Variants in COBL observed in about 807,000 individuals in gnomAD.
COBL encodes the protein protein cordon-bleu.
In COBL, 51 loss-of-function variants were observed where a neutral mutation model predicts 98.8. That is an observed-to-expected ratio of 0.52 (90% CI 0.41 to 0.65). The LOEUF is 0.65. Among genes scored for constraint, COBL ranks in the 30% least tolerant of loss-of-function variants. COBL has a pLI of 0.00. For synonymous variants in COBL, 634 were observed against 651.7 expected (o/e 0.97, Z 0.41); for missense variants, 1,617 against 1,617.5 (o/e 1.00, Z 0.01).
chr7:51,261,737 T>G (rs1431839709), intron 1 of COBL, among the ~76,000 whole-genome samples: 1 of 152,030 alleles, frequency 6.6e-6, no homozygotes, highest in African/African-American at 2.4e-5. Flanking sequence ...GAGGCCGAAG[T>G]AGGCGGATCA....
chr7:51,068,695 C>A (rs928267752), intron 7 of COBL, among the ~76,000 whole-genome samples: 1 of 152,134 alleles, frequency 6.6e-6, no homozygotes, highest in African/African-American at 2.4e-5. Context: ...ATATTATATA[C>A]TTTCTTTGTA....
chr7:51,054,366 C>T (rs1790521213), intron 7 of COBL, among the ~76,000 whole-genome samples: 1 of 152,098 alleles, frequency 6.6e-6, no homozygotes, highest in African/African-American at 2.4e-5. Flanking sequence ...TGGGTTGGCC[C>T]CACAGTTCCC....
chr7:51,197,834 C>T (rs554019669), intron 2 of COBL, among the ~76,000 whole-genome samples: 2 of 152,088 alleles, frequency 1.3e-5, no homozygotes, highest in South Asian at 2.1e-4. Flanking sequence ...AGTATTGCAC[C>T]TCCTGCTTTC....
intron 2 of COBL, among the ~76,000 whole-genome samples, chr7:51,196,542 CTTTATTTA>C (rs565080405): frequency 2.6e-5 from 4 of 151,822 alleles, no homozygotes; most frequent in Admixed American, 6.6e-5. Flanking sequence ...AGTCCTTCCT[CTTTATTTA>C]TTTATTTATT....
intron 5 of COBL, among the ~76,000 whole-genome samples, chr7:51,142,281 T>TC (rs1799833146): frequency 6.6e-6 from 1 of 152,054 alleles, no homozygotes; most frequent in Admixed American, 6.6e-5. Flanking sequence ...GATGCATACT[T>TC]CAGCCAACAA....
At chr7:51,195,479 AT>A (rs1790508335) in intron 2 of COBL, among the ~76,000 whole-genome samples, 1 of 152,100 alleles carries the variant, frequency 6.6e-6, no homozygotes, top group African/African-American at 2.4e-5. Context: ...TTTGCTTAGG[AT>A]GGCCTTGGCT....
intron 1 of COBL, among the ~76,000 whole-genome samples, chr7:51,277,632 C>T (rs1446367299): frequency 1.3e-5 from 2 of 151,966 alleles, no homozygotes; most frequent in African/African-American, 2.4e-5. Context: ...AGTTGGACAG[C>T]GGGCTAGAGG....
At position 51,316,640 on chromosome 7, in the gene COBL, G is replaced by T; in HGVS notation, c.-7C>A. ...AGGCGCGCGGCGCGTCCATGGTGCCGGGGGCCGGGACGCGGGCGGTGCTCC... is the reference window on the plus strand; with the variant it reads ...AGGCGCGCGGCGCGTCCATGGTGCCTGGGGCCGGGACGCGGGCGGTGCTCC... On this transcript the variant is annotated 5_prime_UTR_variant, in exon 1 of 13. Coordinates refer to ENST00000265136, the MANE Select transcript of COBL (RefSeq NM_015198.5). 8.4e-7 allele frequency: 1 copy of T among 1,196,232 alleles called. No homozygotes were observed. Among genetic ancestry groups the T allele is most frequent in the Non-Finnish European group, 1.0e-6 (1 of 964,886 alleles). 74.1% of individuals were successfully genotyped at this position (1,196,232 alleles called of 1,614,324 possible). A position where few individuals can be genotyped will look rare whatever the true frequency, so the allele number is the denominator to read the frequency against.
intron 7 of COBL, among the ~76,000 whole-genome samples, chr7:51,063,689 C>A (rs1396075416): frequency 6.6e-6 from 1 of 152,138 alleles, no homozygotes; most frequent in Non-Finnish European, 1.5e-5. Flanking sequence ...CCCACACTTC[C>A]TTTCATGCAG....
chr7:51,110,482 T>C (rs1055235320), intron 6 of COBL, among the ~76,000 whole-genome samples: 8 of 152,374 alleles, frequency 5.3e-5, no homozygotes, highest in East Asian at 1.9e-4. Flanking sequence ...ATTGTGTATA[T>C]ATACCACATC....
chr7:51,176,196 T>C (rs868817266), intron 5 of COBL, among the ~76,000 whole-genome samples: 2 of 152,204 alleles, frequency 1.3e-5, no homozygotes, highest in Admixed American at 1.3e-4. Flanking sequence ...GGTTAAATCA[T>C]AACCTTGGTT....
intron 5 of COBL, among the ~76,000 whole-genome samples, chr7:51,168,093 G>A (rs977304507): frequency 9.9e-5 from 15 of 151,328 alleles, no homozygotes; most frequent in Admixed American, 9.2e-4. Flanking sequence ...GCTTCTACAC[G>A]GCAAAGGAAA....
chr7:51,314,413 A>G (rs1315296371), intron 1 of COBL, among the ~76,000 whole-genome samples: 2 of 152,256 alleles, frequency 1.3e-5, no homozygotes. Flanking sequence ...CAGGGAACAG[A>G]GGAGTAATCT....
chr7:51,223,147 C>T (rs2129092865), intron 1 of COBL, among the ~76,000 whole-genome samples: 1 of 152,372 alleles, frequency 6.6e-6, no homozygotes, highest in Middle Eastern at 3.4e-3. Context: ...GCACTGCTTA[C>T]ACGCCTGGCA....
intron 5 of COBL, among the ~76,000 whole-genome samples, chr7:51,157,343 A>G (rs1786267447): frequency 6.6e-6 from 1 of 152,236 alleles, no homozygotes; most frequent in South Asian, 2.1e-4. Context: ...ACTGCACTCC[A>G]GCCTGGGCAA....
At chr7:51,285,134 A>T (rs1043226194) in intron 1 of COBL, among the ~76,000 whole-genome samples, 1 of 151,982 alleles carries the variant, frequency 6.6e-6, no homozygotes, top group Non-Finnish European at 1.5e-5. Context: ...TTTAGTACAG[A>T]CAGGGTTTCA....
chr7:51,267,099 A>G (rs1260688446), intron 1 of COBL, among the ~76,000 whole-genome samples: 2 of 152,208 alleles, frequency 1.3e-5, no homozygotes, highest in East Asian at 3.9e-4. Context: ...GCATAAATAC[A>G]GAGGCCACAC....
At chr7:51,148,067 GATTT>G (rs1785206237) in intron 5 of COBL, among the ~76,000 whole-genome samples, 1 of 152,142 alleles carries the variant, frequency 6.6e-6, no homozygotes, top group Non-Finnish European at 1.5e-5. Context: ...CAGCCACATT[GATTT>G]ATTACGGCTA....
chr7:51,235,369 C>T (rs1381376672), intron 1 of COBL, among the ~76,000 whole-genome samples: 1 of 152,176 alleles, frequency 6.6e-6, no homozygotes, highest in Non-Finnish European at 1.5e-5. Context: ...GGTCAGGGAT[C>T]TGAAGGGACT....
Sources: gnomAD v4.1 joint callset for allele counts (sites outside exome capture counted in the v4.1 genomes callset) on GRCh38, gnomAD v4.1.1 for gene constraint, MANE v1.5 for transcripts, NCBI Gene and HGNC (gene_info 2026-07-23, HGNC 2026-07-21) for gene names.